Variants in CR1 observed in about 807,000 individuals in gnomAD.
CR1 encodes complement receptor type 1.
Under a neutral mutation model 187.3 loss-of-function variants are expected in CR1, and 116 were observed. The observed-to-expected ratio is 0.62, with a 90% CI of 0.53 to 0.72. CR1 has a LOEUF of 0.72. Among genes scored for constraint, CR1 ranks in the 30% least tolerant of loss-of-function variants. The probability of loss-of-function intolerance (pLI) is 0.00; values close to 1 mark genes in which losing one functional copy is unlikely to be tolerated. For synonymous variants in CR1, 576 were observed against 747.1 expected (o/e 0.77, Z 3.73); for missense variants, 1,731 against 2,110.7 (o/e 0.82, Z 3.52).
rs374551420 is a variant in CR1 at position 207,523,839 on chromosome 1, C to T, written c.716C>T (p.Thr239Met). ...APQCIIPNKC[T>M]PPNVENGILV... ...CAGTGCATTATACCTAACAAATGCA[C>T]GCCTCCAAATGTGGAAAATGGAATA... is the stretch of plus-strand genomic sequence containing the variant. The change falls in exon 5 of 47, where the codon ACG becomes ATG. Residue 239 changes from threonine to methionine, a missense_variant. Around this residue, in one of 5 missense-constraint regions of CR1, gnomAD observed 131 missense variants for 196.8 expected, o/e 0.67. Transcript: ENST00000367049. The T allele has an allele frequency of 3.2e-4, 520 of 1,611,404 alleles. No individual in the cohort carries two copies. Among genetic ancestry groups the T allele is most frequent in the Middle Eastern group, 9.0e-4 (4 of 4,430 alleles).
intron 39 of CR1, 127 bp downstream of exon 39, chr1:207,612,168 A>T: frequency 9.6e-7 from 1 of 1,038,184 alleles, no homozygotes; most frequent in East Asian, 2.4e-5. Flanking sequence ...AATTTATGGA[A>T]GGGTAGTTTT....
chr1:207,501,015 A>C lies in CR1; in HGVS notation c.121+4627A>C, dbSNP rs77972310. ...GTGTGAAGGCTAAACCATAAAAAAAAACCTGAGTGATTTCCTTTATACAAT... is the reference window on the plus strand; with the variant it reads ...GTGTGAAGGCTAAACCATAAAAAAACACCTGAGTGATTTCCTTTATACAAT... On this transcript the variant is annotated intron_variant, in intron 1 of 46. Transcript: ENST00000367049. Among the ~76,000 whole-genome samples the C allele has an allele frequency of 1.1e-4, 17 of 152,308 alleles. No individual in the cohort carries two copies. In the East Asian group the frequency reaches 3.1e-3, roughly 28 times the overall value.
intron 41 of CR1, among the ~76,000 whole-genome samples, chr1:207,617,599 A>G (rs1452097289): frequency 3.5e-5 from 1 of 28,694 alleles, no homozygotes; most frequent in East Asian, 1.4e-3. Context: ...ATATATATAT[A>G]TATATATATA....
At position 207,572,459 on chromosome 1, in the gene CR1, T is replaced by C. The variant is rs181973834; in HGVS notation, c.4451+2513T>C. 2.9e-3 allele frequency among the ~76,000 whole-genome samples: 448 copies of C among 152,000 alleles called. 5 individuals carry two copies. The highest frequency in any genetic ancestry group is 5.0e-3 in the Admixed American group (76 of 15,266). On this transcript the variant is annotated intron_variant, in intron 27 of 46. Transcript: ENST00000367049. ...TTACAAATTATTGAAGGTCAGATAATCTTTAGTATTTTTTATCAATAAACC... is the reference window on the plus strand; with the variant it reads ...TTACAAATTATTGAAGGTCAGATAACCTTTAGTATTTTTTATCAATAAACC...
intron 33 of CR1, among the ~76,000 whole-genome samples, chr1:207,586,459 C>A (rs1020159668): frequency 6.6e-6 from 1 of 152,178 alleles, no homozygotes; most frequent in Non-Finnish European, 1.5e-5. Context: ...TCTTTAAATG[C>A]CTGGTTTAGC....
At chr1:207,616,085 G>A (rs1222088298) in intron 40 of CR1, among the ~76,000 whole-genome samples, 1 of 152,086 alleles carries the variant, frequency 6.6e-6, no homozygotes, top group East Asian at 1.9e-4. Flanking sequence ...GACACCACTG[G>A]AAATTTGGTA....
intron 46 of CR1, among the ~76,000 whole-genome samples, chr1:207,634,556 G>A (rs1461526874): frequency 1.3e-5 from 2 of 152,070 alleles, no homozygotes; most frequent in Non-Finnish European, 2.9e-5. Flanking sequence ...GGTGATGCTG[G>A]GAAGTCCTGT....
At chr1:207,609,875 A>G (rs1345958093) in intron 37 of CR1, among the ~76,000 whole-genome samples, 187 bp downstream of exon 37, 1 of 152,242 alleles carries the variant, frequency 6.6e-6, no homozygotes, top group Non-Finnish European at 1.5e-5. Flanking sequence ...TATAGTAGAC[A>G]TATTTTAGAT....
intron 35 of CR1, among the ~76,000 whole-genome samples, chr1:207,598,473 G>A (rs1418802904): frequency 6.6e-6 from 1 of 150,878 alleles, no homozygotes; most frequent in Non-Finnish European, 1.5e-5. Flanking sequence ...AGGCTGGAGT[G>A]CAGTGGCACT....
intron 37 of CR1, among the ~76,000 whole-genome samples, chr1:207,611,373 C>T (rs925890430): frequency 6.6e-6 from 1 of 152,330 alleles, no homozygotes; most frequent in African/African-American, 2.4e-5. Context: ...ACCACCCGCA[C>T]TCACGACTCT....
intron 1 of CR1, among the ~76,000 whole-genome samples, chr1:207,499,690 C>T (rs565491869): frequency 6.6e-6 from 1 of 152,258 alleles, no homozygotes; most frequent in African/African-American, 2.4e-5. Flanking sequence ...GACTCTGGCG[C>T]CCTCACGTGG....
intron 24 of CR1, 143 bp from the exon 25 acceptor site, chr1:207,567,681 T>C (rs1423337868): frequency 5.7e-6 from 7 of 1,226,364 alleles, no homozygotes; most frequent in Non-Finnish European, 8.0e-6. Flanking sequence ...TGACATCTCA[T>C]TTAATCCAAC....
In CR1 at chr1:207,506,697, C is replaced by A; in HGVS notation, c.302-17C>A. ...GTTTACTCTACTTGGCTCCAAAATT[C>A]TGTTTCTTTCCTGTAGGTAAATCAT... On this transcript the variant is annotated splice_polypyrimidine_tract_variant and intron_variant, in intron 2 of 46. Transcript: ENST00000367049. 1.2e-6 allele frequency: 2 copies of A among 1,610,788 alleles called. No individual in the cohort carries two copies. Among genetic ancestry groups the A allele is most frequent in the South Asian group, 1.1e-5 (1 of 90,856 alleles).
chr1:207,564,802 G>GA lies in CR1; in HGVS notation c.3866+575dup, dbSNP rs1200066525. Among the ~76,000 whole-genome samples, 9 of 149,822 alleles carry GA rather than the reference G, an allele frequency of 6.0e-5. No homozygotes were observed. In the South Asian group the frequency reaches 8.3e-4, roughly 14 times the overall value. On this transcript the variant is annotated intron_variant, in intron 23 of 46. Coordinates refer to ENST00000367049, the MANE Select transcript of CR1 (RefSeq NM_000651.6). ...AACAATGAGTGAAACTCCATCTCAG[G>GA]AAAAAAATCATATTTTACAAGCAAA...
At chr1:207,638,577 G>T (rs34517499) in intron 46 of CR1, among the ~76,000 whole-genome samples, 3,098 of 152,272 alleles carry the variant, frequency 0.02, 104 homozygotes, top group African/African-American at 0.07. Flanking sequence ...TGCCCAATAT[G>T]CAGCCTTTCC....
In CR1 at chr1:207,607,299, T is replaced by C. The variant is rs1661781388; in HGVS notation, c.5859T>C (p.Asn1953=). The change falls in exon 36 of 47, where the codon AAT becomes AAC. Residue 1953 remains asparagine, a synonymous_variant. Transcript: ENST00000367049. ...SPSTTCLVSG[N]NVTWDKKAPI... is the part of the protein sequence containing the mutation. ...CTACTACTTGTCTCGTCTCAGGCAA[T>C]AATGTCACATGGGATAAGAAGGCAC... 1.9e-6 allele frequency: 3 copies of C among 1,613,482 alleles called. No individual in the cohort carries two copies. The highest frequency in any genetic ancestry group is 2.5e-6 in the Non-Finnish European group (3 of 1,179,550).
chr1:207,505,021 C>T (rs1659385728), intron 1 of CR1, among the ~76,000 whole-genome samples: 1 of 152,182 alleles, frequency 6.6e-6, no homozygotes, highest in African/African-American at 2.4e-5. Context: ...AATCTAATGA[C>T]TGATGATCTG....
intron 45 of CR1, among the ~76,000 whole-genome samples, chr1:207,628,578 G>A (rs1662552725): frequency 6.6e-6 from 1 of 152,194 alleles, no homozygotes; most frequent in African/African-American, 2.4e-5. Context: ...TTTAAAGCCA[G>A]TAGGAAGTTG....
At chr1:207,522,953 C>A (rs1245018125) in intron 4 of CR1, among the ~76,000 whole-genome samples, 1 of 152,088 alleles carries the variant, frequency 6.6e-6, no homozygotes, top group African/African-American at 2.4e-5. Context: ...ACACAGATAT[C>A]ATCTTATGAT....
Sources: gnomAD v4.1 joint callset for allele counts (sites outside exome capture counted in the v4.1 genomes callset) on GRCh38, gnomAD v4.1.1 for gene constraint, gnomAD v4.1.1 regional missense constraint, MANE v1.5 for transcripts, NCBI Gene and HGNC (gene_info 2026-07-23, HGNC 2026-07-21) for gene names.